AMZ2: variants seen among roughly 807,000 people sequenced by gnomAD.
The protein encoded by AMZ2 is archaelysin family metallopeptidase 2.
A neutral mutation model predicts 36.7 loss-of-function variants in AMZ2; 26 were observed. The ratio of observed to expected loss-of-function variants is 0.71; its 90% CI spans 0.52 to 0.98. AMZ2 has a LOEUF of 0.98. AMZ2 is among the 50% of genes least tolerant of loss of function. The pLI, the probability that AMZ2 is intolerant of heterozygous loss-of-function variation, is 0.00. For synonymous variants in AMZ2, 144 were observed against 149.1 expected, an observed-to-expected ratio of 0.97 and a Z score of 0.25; for missense variants, 394 against 430.5, an observed-to-expected ratio of 0.92 and a Z score of 0.75.
chr17:68,211,690 GTATA>G (rs1178227889), intron 1 of AMZ2, among the ~76,000 whole-genome samples: 2 of 124,166 alleles, frequency 1.6e-5, no homozygotes, highest in Non-Finnish European at 3.8e-5. Flanking sequence ...ATATGTATAT[GTATA>G]TATATGTATA....
In AMZ2 at chr17:68,226,258, C is replaced by T. The variant is rs111266310; in HGVS notation, c.-67+20020C>T. 4.0e-3 allele frequency among the ~76,000 whole-genome samples: 603 copies of T among 152,234 alleles called. 9 individuals are homozygous for T. The highest frequency in any genetic ancestry group is 0.016 in the South Asian group (79 of 4,826). On this transcript the variant is annotated intron_variant, in intron 1 of 7. Coordinates refer to the AMZ2 transcript ENST00000674770. ...GCCAAGCAAAAGGACTGGGAGAAGA[C>T]CTGCCTACTATGTACATTTGACTCT...
At chr17:68,225,707 C>T (rs2073497784) in intron 1 of AMZ2, among the ~76,000 whole-genome samples, 1 of 151,972 alleles carries the variant, frequency 6.6e-6, no homozygotes, top group South Asian at 2.1e-4. Context: ...AATCTCGGCT[C>T]ACCATAACCT....
At chr17:68,253,887 G>A (rs1599433929) in intron 4 of AMZ2, among the ~76,000 whole-genome samples, 1 of 151,882 alleles carries the variant, frequency 6.6e-6, no homozygotes, top group African/African-American at 2.4e-5. Context: ...CTAGTAGCTG[G>A]GATTACAGGC....
intron 1 of AMZ2, among the ~76,000 whole-genome samples, chr17:68,228,660 A>C (rs2073577558): frequency 6.6e-6 from 1 of 152,258 alleles, no homozygotes; most frequent in African/African-American, 2.4e-5. Context: ...ACCTAGAAGC[A>C]AAGTCCATCT....
intron 1 of AMZ2, among the ~76,000 whole-genome samples, chr17:68,226,437 C>T (rs751423583): frequency 6.6e-6 from 1 of 152,196 alleles, no homozygotes; most frequent in Non-Finnish European, 1.5e-5. Context: ...GCCCCCCAGC[C>T]CCTGCGTCTC....
At chr17:68,215,937 A>T (rs1337987934) in intron 1 of AMZ2, among the ~76,000 whole-genome samples, 1 of 152,006 alleles carries the variant, frequency 6.6e-6, no homozygotes, top group Non-Finnish European at 1.5e-5. Flanking sequence ...GGCTCATTAC[A>T]CAGTAATCAG....
At chr17:68,212,533 C>T (rs1195175148) in intron 1 of AMZ2, among the ~76,000 whole-genome samples, 1 of 152,160 alleles carries the variant, frequency 6.6e-6, no homozygotes, top group Non-Finnish European at 1.5e-5. Flanking sequence ...GAGACCTTGT[C>T]ACAAAAATAA....
At position 68,235,569 on chromosome 17, in the gene AMZ2, G is replaced by T. The variant is rs1555732328; in HGVS notation, c.-66-13071G>T. Among the ~76,000 whole-genome samples, 1 of 152,110 alleles carries T rather than the reference G, an allele frequency of 6.6e-6. No homozygotes were observed. Among genetic ancestry groups the T allele is most frequent in the African/African-American group, 2.4e-5 (1 of 41,432 alleles). ...AGTAGGTTGGCTTCCCCCTTACGGA[G>T]CCCCTATCCGGGACAGCCTCAATCC... is the stretch of plus-strand genomic sequence containing the variant. On this transcript the variant is annotated intron_variant, in intron 1 of 7. Coordinates refer to the AMZ2 transcript ENST00000674770. This position sits in a 1 kb window ranked among gnomAD's most constrained non-coding sequence, Gnocchi z 4.2.
intron 1 of AMZ2, among the ~76,000 whole-genome samples, chr17:68,242,343 T>C (rs1158914347): frequency 6.6e-6 from 1 of 152,110 alleles, no homozygotes; most frequent in East Asian, 1.9e-4. Context: ...ATACTTATTG[T>C]AGAAAGTTTG....
At chr17:68,217,059 A>G (rs1674207639) in intron 1 of AMZ2, among the ~76,000 whole-genome samples, 2 of 152,198 alleles carry the variant, frequency 1.3e-5, no homozygotes, top group South Asian at 4.1e-4. Flanking sequence ...AAGTCTTTAA[A>G]ATTTTGAAAT....
intron 1 of AMZ2, among the ~76,000 whole-genome samples, chr17:68,236,566 C>CTTTTT (rs782220711): frequency 2.2e-4 from 23 of 102,998 alleles, no homozygotes; most frequent in Admixed American, 3.8e-4. Flanking sequence ...GGCAAACATC[C>CTTTTT]TTTTTTTTTT....
At chr17:68,216,290 C>T (rs11655820) in intron 1 of AMZ2, among the ~76,000 whole-genome samples, 11,032 of 152,118 alleles carry the variant, frequency 0.073, 629 homozygotes, top group East Asian at 0.29. Context: ...TGTGCCACCA[C>T]GCCCAGCTGA....
At chr17:68,228,899 T>C (rs1182197860) in intron 1 of AMZ2, among the ~76,000 whole-genome samples, 1 of 152,234 alleles carries the variant, frequency 6.6e-6, no homozygotes, top group African/African-American at 2.4e-5. Context: ...TGCTGGCCTG[T>C]TGGCCCTGTG....
chr17:68,239,963 C>T (rs557981692), intron 1 of AMZ2, among the ~76,000 whole-genome samples: 27 of 152,292 alleles, frequency 1.8e-4, no homozygotes, highest in Middle Eastern at 3.4e-3. Context: ...TACGAAAAGA[C>T]ATTTTATCCA....
Position 68,250,469 on chromosome 17 carries a change from T to C in AMZ2, c.282T>C (p.Ile94=). ...PNKRSIYIQS[I]GSLGNTRIIS... The stretch of plus-strand genomic sequence containing the variant: ...AACGCAGCATTTATATACAGTCCAT[T>C]GGTAAATACTGGTAATGTGCTGGTT... Residue 94 remains isoleucine, a splice_region_variant and synonymous_variant, in exon 2 of 7, where the codon ATT becomes ATC. Transcript: ENST00000359904. The C allele has an allele frequency of 6.2e-7, 1 of 1,612,706 alleles. No individual in the cohort carries two copies. Among genetic ancestry groups the C allele is most frequent in the African/African-American group, 1.3e-5 (1 of 74,988 alleles).
intron 1 of AMZ2, among the ~76,000 whole-genome samples, chr17:68,240,547 T>C (rs181342800): frequency 1.5e-3 from 228 of 152,138 alleles, no homozygotes; most frequent in African/African-American, 5.2e-3. Context: ...GGGCAGGAAA[T>C]TATCAAAGAA....
intron 1 of AMZ2, among the ~76,000 whole-genome samples, chr17:68,223,384 G>A (rs2073418597): frequency 6.6e-6 from 1 of 152,034 alleles, no homozygotes; most frequent in Non-Finnish European, 1.5e-5. Context: ...GAAGCCCTGC[G>A]GGGCAGCGCT....
intron 1 of AMZ2, among the ~76,000 whole-genome samples, chr17:68,242,552 C>T (rs2081900551): frequency 6.6e-6 from 1 of 152,106 alleles, no homozygotes; most frequent in African/African-American, 2.4e-5. Flanking sequence ...GCTGGGATTA[C>T]AGGCGTGTGC....
upstream of AMZ2, chr17:68,247,870 G>GC: frequency 1.0e-6 from 1 of 985,534 alleles, no homozygotes; most frequent in Middle Eastern, 5.2e-4. Flanking sequence ...CTCTATTCTG[G>GC]AAGAGGCGGG....
Sources: gnomAD v4.1 joint callset for allele counts (sites outside exome capture counted in the v4.1 genomes callset) on GRCh38, gnomAD v4.1.1 for gene constraint, Gnocchi (gnomAD v3.1) non-coding constraint, MANE v1.5 for transcripts, NCBI Gene and HGNC (gene_info 2026-07-23, HGNC 2026-07-21) for gene names.